The following CCT5 variants were observed in gnomAD, a reference collection of about 807,000 sequenced individuals.
CCT5 encodes the protein T-complex protein 1 subunit epsilon.
CCT5 carries 6 observed loss-of-function variants against 55.0 expected under a neutral mutation model. The observed-to-expected ratio is 0.11, with a 90% CI of 0.06 to 0.22. CCT5 has a LOEUF of 0.22. CCT5 is among the 10% of genes least tolerant of loss of function. CCT5 has a pLI of 1.00. For missense variants in CCT5, 560 were observed against 694.6 expected (o/e 0.81, Z 2.18); for synonymous variants, 231 against 243.7 (o/e 0.95, Z 0.49).
intron 3 of CCT5, chr5:10,255,174 G>C: frequency 2.7e-6 from 1 of 366,134 alleles, no homozygotes; most frequent in South Asian, 2.3e-5. Context: ...TGAGTGATCT[G>C]TGACCATTAT....
At position 10,265,556 on chromosome 5, in the gene CCT5, T is replaced by C. The variant is rs1439910723; in HGVS notation, c.*773T>C. 1 of 152,264 alleles carries C rather than the reference T, an allele frequency of 6.6e-6. No individual in the cohort carries two copies. The highest frequency in any genetic ancestry group is 1.5e-5 in the Non-Finnish European group (1 of 68,090). The allele number at this position is 152,264 out of a possible 1,614,324, so 9.4% of individuals were successfully genotyped here. A position where few individuals can be genotyped will look rare whatever the true frequency, so the allele number is the denominator to read the frequency against. On this transcript the variant is annotated 3_prime_UTR_variant, in exon 11 of 11. Transcript: ENST00000280326. ...TAGAGTGACTGAAATTAATTGTACT[T>C]ACTAAAGTATTAACTAGCTAACAGT...
chr5:10,254,289 G>A, intron 2 of CCT5, 84 bp downstream of exon 2: 1 of 977,958 alleles, frequency 1.0e-6, no homozygotes, highest in African/African-American at 1.6e-5. Context: ...GAAAGGTGGA[G>A]TATTGAGGGG....
In CCT5 at chr5:10,265,851, A is replaced by T. The variant is rs1201716416; in HGVS notation, c.*1068A>T. 1 of 152,126 alleles carries T rather than the reference A, an allele frequency of 6.6e-6. No homozygotes were observed. The highest frequency in any genetic ancestry group is 1.5e-5 in the Non-Finnish European group (1 of 68,026). The allele number at this position is 152,126 out of a possible 1,614,324, so 9.4% of individuals were successfully genotyped here. A position where few individuals can be genotyped will look rare whatever the true frequency, so the allele number is the denominator to read the frequency against. ...TAGCATTGTGATGATAAAGCTCATG[A>T]TGAACTTTATCACTAGTTATGCCAC... is the stretch of plus-strand genomic sequence containing the variant. On this transcript the variant is annotated 3_prime_UTR_variant, in exon 11 of 11. Coordinates refer to ENST00000280326, the MANE Select transcript of CCT5 (RefSeq NM_012073.5).
rs1227305429 is a variant in CCT5 at position 10,265,014 on chromosome 5, C to A, written c.*231C>A. On this transcript the variant is annotated 3_prime_UTR_variant, in exon 11 of 11. Transcript: ENST00000280326. The stretch of plus-strand genomic sequence containing the variant: ...GTATTAAAAGAATCTGTTTAAACAA[C>A]CTTTATCTTCTCTTCGGGTTTAAGA... 1 of 490,924 alleles carries A rather than the reference C, an allele frequency of 2.0e-6. No individual in the cohort carries two copies. The highest frequency in any genetic ancestry group is 3.7e-5 in the East Asian group (1 of 27,004). The allele number at this position is 490,924 out of a possible 1,614,324, so 30.4% of individuals were successfully genotyped here. A position where few individuals can be genotyped will look rare whatever the true frequency, so the allele number is the denominator to read the frequency against.
At chr5:10,254,636 A>G (rs745639105) in intron 2 of CCT5, 38 bp from the exon 3 acceptor site, 1 of 1,606,332 alleles carries the variant, frequency 6.2e-7, no homozygotes, top group Non-Finnish European at 8.5e-7. Context: ...ATTGGTTGCC[A>G]GTTTTTTGCG....
At chr5:10,261,468 T>G in intron 7 of CCT5, 92 bp from the exon 8 acceptor site, 1 of 1,222,436 alleles carries the variant, frequency 8.2e-7, no homozygotes, top group Non-Finnish European at 1.2e-6. Context: ...AACAAGTTGG[T>G]CTTAGATCAA....
At position 10,264,847 on chromosome 5, in the gene CCT5, T is replaced by C; in HGVS notation, c.*64T>C. On this transcript the variant is annotated 3_prime_UTR_variant, in exon 11 of 11. Transcript: ENST00000280326. ...GATTAAGTAAATGGATGTCTCGTGA[T>C]GCATCTACAGTTATTTATTGTTACA... The C allele has an allele frequency of 6.2e-7, 1 of 1,602,898 alleles. No individual in the cohort carries two copies. Among genetic ancestry groups the C allele is most frequent in the Non-Finnish European group, 8.5e-7 (1 of 1,170,646 alleles).
rs774961022 is a variant in CCT5 at position 10,258,424 on chromosome 5, A to C, written c.762A>C (p.Pro254=). 2 of 1,614,128 alleles carry C rather than the reference A, an allele frequency of 1.2e-6. No individual in the cohort carries two copies. Among genetic ancestry groups the C allele is most frequent in the Non-Finnish European group, 1.7e-6 (2 of 1,180,030 alleles). ...EDAKIAILTC[P]FEPPKPKTKH... ...CGAAGATTGCAATTCTCACATGTCCATTTGAACCACCCAAACCAAAAACAA... is the reference window on the plus strand; with the variant it reads ...CGAAGATTGCAATTCTCACATGTCCCTTTGAACCACCCAAACCAAAAACAA... The change falls in exon 6 of 11, where the codon CCA becomes CCC. Residue 254 remains proline, a synonymous_variant. Transcript: ENST00000280326.
intron 2 of CCT5, 65 bp from the exon 3 acceptor site, chr5:10,254,609 G>A: frequency 7.0e-7 from 1 of 1,420,672 alleles, no homozygotes; most frequent in South Asian, 1.1e-5. Flanking sequence ...AGGAGGTCTT[G>A]TTTTATAGTT....
At chr5:10,251,516 C>T (rs557302496) in intron 1 of CCT5, among the ~76,000 whole-genome samples, 4 of 152,274 alleles carry the variant, frequency 2.6e-5, no homozygotes, top group African/African-American at 9.6e-5. Context: ...TCTCAGGTGT[C>T]CCTGTTCACT....
intron 8 of CCT5, chr5:10,261,966 C>G (rs1446153819): frequency 1.8e-6 from 1 of 549,828 alleles, no homozygotes; most frequent in Non-Finnish European, 3.3e-6. Context: ...ATACAATATA[C>G]ACTATGAGAT....
intron 4 of CCT5, among the ~76,000 whole-genome samples, chr5:10,256,841 A>G (rs1353637815): frequency 6.6e-6 from 1 of 152,190 alleles, no homozygotes. Flanking sequence ...AATTTAGTAA[A>G]GAGAGTCTTG....
At chr5:10,257,583 A>G (rs1745745820) in intron 4 of CCT5, among the ~76,000 whole-genome samples, 1 of 152,216 alleles carries the variant, frequency 6.6e-6, no homozygotes, top group African/African-American at 2.4e-5. Context: ...ACATGTTTCA[A>G]AGCTTTCAAA....
chr5:10,253,519 G>A (rs552965260), intron 1 of CCT5, among the ~76,000 whole-genome samples: 5 of 152,172 alleles, frequency 3.3e-5, no homozygotes, highest in African/African-American at 4.8e-5. Flanking sequence ...CCCAAGTAGG[G>A]GGGGTTGCAG....
At chr5:10,263,346 G>A (rs746728303) in intron 10 of CCT5, 32 bp downstream of exon 10, 4 of 1,588,248 alleles carry the variant, frequency 2.5e-6, no homozygotes, top group African/African-American at 1.4e-5. Flanking sequence ...GCGTGGAGGG[G>A]GGGGGATGTC....
Position 10,250,282 on chromosome 5 carries a change from A to G in CCT5, c.-59A>G, listed in dbSNP as rs748544536. ...GGGCCCTCCCGAGAAAGGGAAGTGC[A>G]TTCTCGCTTCCGTAGCGGTCTCCGC... is the stretch of plus-strand genomic sequence containing the variant. On this transcript the variant is annotated 5_prime_UTR_variant, in exon 1 of 11. Coordinates refer to ENST00000280326, the MANE Select transcript of CCT5 (RefSeq NM_012073.5). The G allele has an allele frequency of 7.4e-6, 12 of 1,611,830 alleles. No individual in the cohort carries two copies. Among genetic ancestry groups the G allele is most frequent in the East Asian group, 2.2e-5 (1 of 44,828 alleles).
chr5:10,250,275 G>C, upstream of CCT5: 1 of 1,610,602 alleles, frequency 6.2e-7, no homozygotes, highest in Non-Finnish European at 8.5e-7. Context: ...CCGAGAAAGG[G>C]AAGTGCATTC....
At chr5:10,260,235 C>G (rs11951413) in intron 6 of CCT5, among the ~76,000 whole-genome samples, 1 of 152,108 alleles carries the variant, frequency 6.6e-6, no homozygotes, top group Non-Finnish European at 1.5e-5. Context: ...CTGATCGTTG[C>G]CCTCCTAATT....
intron 3 of CCT5, 98 bp from the exon 4 acceptor site, chr5:10,255,857 G>C: frequency 1.9e-6 from 2 of 1,036,018 alleles, no homozygotes; most frequent in Non-Finnish European, 2.9e-6. Flanking sequence ...AATTCTAGAA[G>C]CTGCTTCTTT....
Sources: gnomAD v4.1 joint callset for allele counts (sites outside exome capture counted in the v4.1 genomes callset) on GRCh38, gnomAD v4.1.1 for gene constraint, MANE v1.5 for transcripts, NCBI Gene and HGNC (gene_info 2026-07-23, HGNC 2026-07-21) for gene names.